The following TMPRSS11D variants were observed in gnomAD, a reference collection of about 807,000 sequenced individuals.
TMPRSS11D encodes the protein transmembrane serine protease 11D, also known as transmembrane protease serine 11D.
A neutral mutation model predicts 44.4 loss-of-function variants in TMPRSS11D; 32 were observed. The ratio of observed to expected loss-of-function variants is 0.72; its 90% confidence interval spans 0.54 to 0.97. The LOEUF (loss-of-function observed/expected upper bound fraction) is 0.97, where lower values mean the gene tolerates loss of function less well. Ranked by LOEUF, TMPRSS11D falls within the 50% of genes least tolerant of loss-of-function variation. The pLI, the probability that TMPRSS11D is intolerant of heterozygous loss-of-function variation, is 0.00. For synonymous variants in TMPRSS11D, 179 were observed against 177.9 expected, an observed-to-expected ratio of 1.01 and a Z score of -0.05; for missense variants, 446 against 502.6, an observed-to-expected ratio of 0.89 and a Z score of 1.08.
chr4:67,876,913 C>T (rs1719204673), intron 1 of TMPRSS11D, among the ~76,000 whole-genome samples: 1 of 152,170 alleles, frequency 6.6e-6, no homozygotes, highest in African/African-American at 2.4e-5. Flanking sequence ...CCCTTAGCAG[C>T]ATTTCCCACC....
intron 1 of TMPRSS11D, among the ~76,000 whole-genome samples, chr4:67,874,365 T>A (rs1404323468): frequency 6.6e-6 from 1 of 152,192 alleles, no homozygotes; most frequent in Non-Finnish European, 1.5e-5. Context: ...CAGCTCAGTG[T>A]GATCTGATTT....
intron 3 of TMPRSS11D, among the ~76,000 whole-genome samples, chr4:67,846,306 A>G (rs926438509): frequency 6.6e-6 from 1 of 152,084 alleles, no homozygotes; most frequent in Non-Finnish European, 1.5e-5. Context: ...TACTAACAAT[A>G]TCCATTATAA....
At chr4:67,849,890 G>A (rs1718451531) in intron 3 of TMPRSS11D, among the ~76,000 whole-genome samples, 1 of 152,116 alleles carries the variant, frequency 6.6e-6, no homozygotes, top group African/African-American at 2.4e-5. Context: ...GGCCTTTGAT[G>A]CGTTTCTTAA....
intron 3 of TMPRSS11D, among the ~76,000 whole-genome samples, chr4:67,848,493 T>C (rs1299239853): frequency 6.6e-6 from 1 of 152,230 alleles, no homozygotes; most frequent in Non-Finnish European, 1.5e-5. Context: ...ATGAAGCTTA[T>C]GTCTAATGGA....
intron 2 of TMPRSS11D, among the ~76,000 whole-genome samples, chr4:67,855,473 CTCAATAGATGT>C (rs1718615638): frequency 6.6e-6 from 1 of 152,088 alleles, no homozygotes; most frequent in Non-Finnish European, 1.5e-5. Flanking sequence ...ATATGATCAT[CTCAATAGATGT>C]TCAATAGATT....
At chr4:67,850,342 TCTC>T (rs1004913659) in intron 3 of TMPRSS11D, among the ~76,000 whole-genome samples, 12 of 152,170 alleles carry the variant, frequency 7.9e-5, no homozygotes, top group African/African-American at 2.4e-5. Flanking sequence ...ATCTTTGACT[TCTC>T]CTGTGAGAAA....
rs529454628 is a variant in TMPRSS11D at position 67,821,341 on chromosome 4, G to A, written c.*996C>T. On this transcript the variant is annotated 3_prime_UTR_variant, in exon 10 of 10. Transcript: ENST00000283916. ...TTCAGGATCATTCTATTGATATTAA[G>A]CTATTTAAACTTTTCCTTTGCAAAC... The A allele has an allele frequency of 6.6e-5, 10 of 152,152 alleles. No individual in the cohort carries two copies. In the East Asian group the frequency reaches 1.9e-3, roughly 29 times the overall value. The allele number at this position is 152,152 out of a possible 1,614,324, so 9.4% of individuals were successfully genotyped here. A position where few individuals can be genotyped will look rare whatever the true frequency, so the allele number is the denominator to read the frequency against.
At chr4:67,876,940 T>C (rs1217092048) in intron 1 of TMPRSS11D, among the ~76,000 whole-genome samples, 1 of 152,154 alleles carries the variant, frequency 6.6e-6, no homozygotes, top group Non-Finnish European at 1.5e-5. Flanking sequence ...TATCCCTTTT[T>C]ATTGAAACAC....
chr4:67,836,424 A>G (rs1718091320), intron 5 of TMPRSS11D, among the ~76,000 whole-genome samples: 1 of 152,118 alleles, frequency 6.6e-6, no homozygotes, highest in Non-Finnish European at 1.5e-5. Context: ...GCTCTCTCAA[A>G]CCGACTTATG....
chr4:67,862,546 T>C (rs1047224684), intron 1 of TMPRSS11D, among the ~76,000 whole-genome samples: 2 of 152,100 alleles, frequency 1.3e-5, no homozygotes, highest in African/African-American at 4.8e-5. Context: ...ACCTCTCTCT[T>C]TGAACTGCAC....
intron 6 of TMPRSS11D, 78 bp downstream of exon 6, chr4:67,835,005 C>T: frequency 7.3e-7 from 1 of 1,363,548 alleles, no homozygotes; most frequent in Middle Eastern, 1.9e-4. Context: ...CTGCCTTGGC[C>T]AAAAGTACAC....
chr4:67,859,508 A>G (rs1718742705), intron 2 of TMPRSS11D, 49 bp downstream of exon 2: 9 of 1,570,926 alleles, frequency 5.7e-6, no homozygotes, highest in Non-Finnish European at 7.8e-6. Flanking sequence ...TAAATCTGAA[A>G]TTGTATGTAG....
At chr4:67,832,122 G>A (rs181339962) in intron 7 of TMPRSS11D, among the ~76,000 whole-genome samples, 1 of 152,242 alleles carries the variant, frequency 6.6e-6, no homozygotes, top group East Asian at 1.9e-4. Flanking sequence ...TGTAGGAAGA[G>A]TCCAGGGGAA....
At position 67,841,585 on chromosome 4, in the gene TMPRSS11D, G is replaced by T. The variant is rs142817254; in HGVS notation, c.317+973C>A. Among the ~76,000 whole-genome samples, 306 of 152,232 alleles carry T rather than the reference G, an allele frequency of 2.0e-3. 1 individual carries two copies. The highest frequency in any genetic ancestry group is 5.4e-3 in the African/African-American group (226 of 41,552). ...TTGCAGAGGATTGAGTGATAAGTGG[G>T]AAGTGAACAAAAGGAGAGAAAAGGC... On this transcript the variant is annotated intron_variant, in intron 4 of 9. Transcript: ENST00000283916.
At chr4:67,883,158 G>A (rs1057397447) in intron 1 of TMPRSS11D, among the ~76,000 whole-genome samples, 6 of 151,896 alleles carry the variant, frequency 4.0e-5, no homozygotes, top group Admixed American at 1.3e-4. Flanking sequence ...CATTGTTCAT[G>A]CTTTTGTTGA....
intron 1 of TMPRSS11D, among the ~76,000 whole-genome samples, chr4:67,863,698 C>T (rs1368550765): frequency 6.7e-6 from 1 of 150,196 alleles, no homozygotes; most frequent in African/African-American, 2.4e-5. Flanking sequence ...TGTGATCTCA[C>T]ATTAATCGTA....
rs376264043 is a variant in TMPRSS11D, at chr4:67,856,709, G to C, written c.131-2523C>G. 1.6e-3 allele frequency among the ~76,000 whole-genome samples: 248 copies of C among 151,952 alleles called. 7 individuals are homozygous for C. In the South Asian group the frequency reaches 0.051, roughly 31 times the overall value. ...AATGGAAAGACAACCTATTGAATGG[G>C]AAAAAACATTTGCCAACTGTTCATC... is the stretch of plus-strand genomic sequence containing the variant. On this transcript the variant is annotated intron_variant, in intron 2 of 9. Coordinates refer to ENST00000283916, the MANE Select transcript of TMPRSS11D (RefSeq NM_004262.3).
rs529813225 is a variant in TMPRSS11D, at chr4:67,862,149, G to A, written c.9-2471C>T. 2.0e-5 allele frequency among the ~76,000 whole-genome samples: 3 copies of A among 152,208 alleles called. No individual in the cohort carries two copies. In the South Asian group the frequency reaches 6.2e-4, roughly 32 times the overall value. Reference sequence around the variant, plus strand: ...TTTTATTGACTTGAAAAAATTGCATGAGGGTGGAAAATTTATCTTTTTATA... The same window carrying A: ...TTTTATTGACTTGAAAAAATTGCATAAGGGTGGAAAATTTATCTTTTTATA... On this transcript the variant is annotated intron_variant, in intron 1 of 9. Transcript: ENST00000283916.
At chr4:67,849,052 A>G (rs942701787) in intron 3 of TMPRSS11D, among the ~76,000 whole-genome samples, 2 of 152,132 alleles carry the variant, frequency 1.3e-5, no homozygotes, top group African/African-American at 2.4e-5. Context: ...TCATGCAGCA[A>G]TGGATATGGA....
Sources: gnomAD v4.1 joint callset for allele counts (sites outside exome capture counted in the v4.1 genomes callset) on GRCh38, gnomAD v4.1.1 for gene constraint, MANE v1.5 for transcripts, NCBI Gene and HGNC (gene_info 2026-07-23, HGNC 2026-07-21) for gene names.